Variants in MYO3B observed in about 807,000 individuals in gnomAD.
The protein encoded by MYO3B is myosin-IIIb.
A neutral mutation model predicts 174.6 loss-of-function variants in MYO3B; 156 were observed. The observed-to-expected ratio is 0.89, with a 90% CI of 0.78 to 1.02. MYO3B has a LOEUF of 1.02. Ranked by LOEUF, MYO3B falls within the 50% of genes least tolerant of loss-of-function variation. MYO3B has a pLI of 0.00. For missense variants in MYO3B, 1,632 were observed against 1,639.4 expected, an observed-to-expected ratio of 1.00 and a Z score of 0.08; for synonymous variants, 563 against 569.1, an observed-to-expected ratio of 0.99 and a Z score of 0.15.
chr2:170,637,176 T>G (rs1299763346), intron 32 of MYO3B, among the ~76,000 whole-genome samples: 2 of 150,238 alleles, frequency 1.3e-5, no homozygotes, highest in Non-Finnish European at 1.5e-5. Flanking sequence ...GTAGGGTTTT[T>G]TTTTTTTTTT....
chr2:170,193,444 G>GT (rs1290807550), intron 1 of MYO3B, among the ~76,000 whole-genome samples: 3 of 151,960 alleles, frequency 2.0e-5, no homozygotes, highest in Non-Finnish European at 4.4e-5. Flanking sequence ...CTCTTGAACA[G>GT]TTTGTTTTAG....
intron 32 of MYO3B, among the ~76,000 whole-genome samples, chr2:170,559,331 G>C (rs1691557198): frequency 6.6e-6 from 1 of 152,112 alleles, no homozygotes; most frequent in Non-Finnish European, 1.5e-5. Flanking sequence ...AAGCCTTAAG[G>C]GGTTGACCAG....
At chr2:170,628,600 G>A (rs550188436) in intron 32 of MYO3B, among the ~76,000 whole-genome samples, 69 of 152,344 alleles carry the variant, frequency 4.5e-4, no homozygotes, top group Non-Finnish European at 7.8e-4. Flanking sequence ...TGGAAATGCA[G>A]AAATCACCCG....
Position 170,434,973 on chromosome 2 carries a change from T to G in MYO3B, c.2651-8994T>G, listed in dbSNP as rs114537634. Reference sequence around the variant, plus strand: ...TGTACTTAGCTACTATAGTATTTTTTATAGTATGTTTGTATACAACTATGT... The same window carrying G: ...TGTACTTAGCTACTATAGTATTTTTGATAGTATGTTTGTATACAACTATGT... On this transcript the variant is annotated intron_variant, in intron 22 of 34. Coordinates refer to ENST00000408978, the MANE Select transcript of MYO3B (RefSeq NM_138995.5). Among the ~76,000 whole-genome samples, 812 of 152,380 alleles carry G rather than the reference T, an allele frequency of 5.3e-3. 7 individuals carry two copies. The highest frequency in any genetic ancestry group is 0.019 in the African/African-American group (774 of 41,600).
At chr2:170,270,864 C>G (rs935123427) in intron 7 of MYO3B, among the ~76,000 whole-genome samples, 1 of 152,060 alleles carries the variant, frequency 6.6e-6, no homozygotes, top group African/African-American at 2.4e-5. Context: ...GTTTCATAAG[C>G]CTTTTGTAGT....
intron 14 of MYO3B, among the ~76,000 whole-genome samples, chr2:170,388,670 A>G (rs1037509062): frequency 2.0e-5 from 3 of 152,188 alleles, no homozygotes; most frequent in African/African-American, 7.2e-5. Context: ...TTGTGTTGAC[A>G]TGATTAGGAG....
intron 25 of MYO3B, among the ~76,000 whole-genome samples, chr2:170,467,988 ATGTT>A (rs1457430901): frequency 6.6e-6 from 1 of 152,250 alleles, no homozygotes; most frequent in East Asian, 1.9e-4. Context: ...TTTTGTAACA[ATGTT>A]TGAATACATA....
At chr2:170,372,888 G>A (rs1264127824) in intron 9 of MYO3B, among the ~76,000 whole-genome samples, 1 of 152,152 alleles carries the variant, frequency 6.6e-6, no homozygotes, top group Non-Finnish European at 1.5e-5. Context: ...AGGCACAAGG[G>A]CTAGAGAGAG....
At chr2:170,606,840 G>A (rs1694837099) in intron 32 of MYO3B, among the ~76,000 whole-genome samples, 1 of 152,132 alleles carries the variant, frequency 6.6e-6, no homozygotes, top group Non-Finnish European at 1.5e-5. Flanking sequence ...GATCAACATG[G>A]AGAAACCGTG....
At chr2:170,483,404 T>TTTTTTTTTTTG in intron 25 of MYO3B, among the ~76,000 whole-genome samples, 1 of 120,198 alleles carries the variant, frequency 8.3e-6, no homozygotes. Flanking sequence ...TTTTTTTTTT[T>TTTTTTTTTTTG]GAGACGGAGT....
chr2:170,438,779 C>T (rs1352820075), intron 22 of MYO3B, among the ~76,000 whole-genome samples: 2 of 151,916 alleles, frequency 1.3e-5, no homozygotes, highest in Non-Finnish European at 1.5e-5. Context: ...GGACCACAGG[C>T]GCCTGCCACC....
chr2:170,344,513 T>G (rs2094001939), intron 8 of MYO3B: 1 of 152,122 alleles, frequency 6.6e-6, no homozygotes, highest in African/African-American at 2.4e-5. Flanking sequence ...TTTCTGGCAG[T>G]TTCACACAAC....
At chr2:170,294,572 C>T (rs1026979345) in intron 7 of MYO3B, among the ~76,000 whole-genome samples, 1 of 151,924 alleles carries the variant, frequency 6.6e-6, no homozygotes, top group South Asian at 2.1e-4. Context: ...AGTTCATGTT[C>T]AATTTTTGAA....
rs1336424688 is a variant in MYO3B, at chr2:170,601,993, ATAT to A, written c.3734-49634_3734-49632del. 3.4e-6 allele frequency: 3 copies of A among 874,228 alleles called. No individual in the cohort carries two copies. The African/African-American group carries it at 5.0e-5, about 15-fold the overall frequency. 54.2% of individuals were successfully genotyped at this position (874,228 alleles called of 1,614,324 possible). On this transcript the variant is annotated intron_variant, in intron 32 of 34. Transcript: ENST00000408978. Reference sequence around the variant, plus strand: ...CTTTTTTGTCTCCCCTTTAGGAGGGATATAGGTTTTCATTTCTCTTTCATAACG... The same window carrying A: ...CTTTTTTGTCTCCCCTTTAGGAGGGAAGGTTTTCATTTCTCTTTCATAACG...
chr2:170,259,482 T>A (rs2093329133), intron 7 of MYO3B, among the ~76,000 whole-genome samples: 1 of 152,186 alleles, frequency 6.6e-6, no homozygotes, highest in African/African-American at 2.4e-5. Flanking sequence ...CAATAAATCG[T>A]GCTTGGATAA....
chr2:170,246,345 T>C (rs915295145), intron 7 of MYO3B, among the ~76,000 whole-genome samples: 1 of 152,228 alleles, frequency 6.6e-6, no homozygotes, highest in African/African-American at 2.4e-5. Context: ...GGTGAAGTTA[T>C]GGGTTGAACT....
chr2:170,346,237 G>A (rs933362991), intron 8 of MYO3B: 1 of 152,096 alleles, frequency 6.6e-6, no homozygotes, highest in African/African-American at 2.4e-5. Context: ...ATGCCACCCA[G>A]GACAGCTTTG....
intron 29 of MYO3B, among the ~76,000 whole-genome samples, chr2:170,517,375 A>G (rs768978131): frequency 7.2e-5 from 11 of 152,154 alleles, no homozygotes; most frequent in Non-Finnish European, 1.3e-4. Flanking sequence ...CCAGGTAAAG[A>G]TATTGCTTCC....
chr2:170,283,005 C>G (rs1018386646), intron 7 of MYO3B, among the ~76,000 whole-genome samples: 2 of 152,118 alleles, frequency 1.3e-5, no homozygotes, highest in Non-Finnish European at 2.9e-5. Context: ...TCTGGGTGGA[C>G]TCAGGGGGAT....
Sources: gnomAD v4.1 joint callset for allele counts (sites outside exome capture counted in the v4.1 genomes callset) on GRCh38, gnomAD v4.1.1 for gene constraint, MANE v1.5 for transcripts, NCBI Gene and HGNC (gene_info 2026-07-23, HGNC 2026-07-21) for gene names.